RXRA: variants seen among roughly 807,000 people sequenced by gnomAD.
The protein encoded by RXRA is retinoid X receptor alpha.
RXRA carries 5 observed loss-of-function variants against 44.5 expected under a neutral mutation model. The observed-to-expected ratio is 0.11, with a 90% CI of 0.06 to 0.24. The LOEUF is 0.24. RXRA is among the 10% of genes least tolerant of loss of function. The pLI is 1.00. For missense variants in RXRA, 412 were observed against 646.5 expected, an observed-to-expected ratio of 0.64 and a Z score of 3.93; for synonymous variants, 291 against 271.4, an observed-to-expected ratio of 1.07 and a Z score of -0.71.
At chr9:134,348,552 G>C (rs763554732) in intron 1 of RXRA, among the ~76,000 whole-genome samples, 82 of 152,312 alleles carry the variant, frequency 5.4e-4, no homozygotes, top group Non-Finnish European at 1.0e-3. Flanking sequence ...ATCTGATCCC[G>C]GGGGACGCAG....
chr9:134,332,483 C>T (rs1194420043), intron 1 of RXRA, among the ~76,000 whole-genome samples: 5 of 151,604 alleles, frequency 3.3e-5, no homozygotes, highest in Admixed American at 1.3e-4. Context: ...GCTTAGGGAG[C>T]GCCCGCTGGG....
At chr9:134,423,982 T>A in intron 6 of RXRA, 1 of 982,438 alleles carries the variant, frequency 1.0e-6, no homozygotes. Context: ...GAGGTCCGAG[T>A]CGGGTTGGAT....
At chr9:134,380,292 C>T (rs1003997222) in intron 1 of RXRA, 9 of 715,796 alleles carry the variant, frequency 1.3e-5, no homozygotes, top group Non-Finnish European at 1.5e-5. Context: ...TGAGGCTGGC[C>T]TGCCCGTGGC....
chr9:134,372,640 G>A (rs1356229790), intron 1 of RXRA, among the ~76,000 whole-genome samples: 1 of 152,190 alleles, frequency 6.6e-6, no homozygotes, highest in Admixed American at 6.5e-5. Context: ...CAGAGGATCA[G>A]AGAGGCCCAC....
intron 1 of RXRA, among the ~76,000 whole-genome samples, chr9:134,362,167 T>A (rs957153895): frequency 2.0e-5 from 3 of 151,912 alleles, no homozygotes; most frequent in Non-Finnish European, 2.9e-5. Context: ...CTCAGAGGAG[T>A]GAGCGGCACT....
In RXRA at chr9:134,342,943, C is replaced by T. The variant is rs1485209094; in HGVS notation, c.28+16284C>T. ...GGCACGTGTGGGTGCTGGGGATTGT[C>T]TGGTAATCCTTTGATTAGAGGCCAG... is the stretch of plus-strand genomic sequence containing the variant. On this transcript the variant is annotated intron_variant, in intron 1 of 9. Transcript: ENST00000481739. This position sits in a 1 kb window ranked among gnomAD's most constrained non-coding sequence, Gnocchi z 4.4. Among the ~76,000 whole-genome samples, 2 of 152,136 alleles carry T rather than the reference C, an allele frequency of 1.3e-5. No individual in the cohort carries two copies. Among genetic ancestry groups the T allele is most frequent in the Non-Finnish European group, 2.9e-5 (2 of 68,028 alleles).
Position 134,407,923 on chromosome 9 carries a change from C to T in RXRA, c.280-226C>T, listed in dbSNP as rs1453436970. On this transcript the variant is annotated intron_variant, in intron 2 of 9. Transcript: ENST00000481739. This position sits in a 1 kb window ranked among gnomAD's most constrained non-coding sequence, Gnocchi z 4.8. Reference sequence around the variant, plus strand: ...TTCCACAGAGGCCTGGGGTCTGCTGCGGGCGAGTCCTGAGGTTGCCACAGC... The same window carrying T: ...TTCCACAGAGGCCTGGGGTCTGCTGTGGGCGAGTCCTGAGGTTGCCACAGC... Among the ~76,000 whole-genome samples, 2 of 151,916 alleles carry T rather than the reference C, an allele frequency of 1.3e-5. No individual in the cohort carries two copies. The highest frequency in any genetic ancestry group is 4.8e-5 in the African/African-American group (2 of 41,370).
At chr9:134,359,598 G>A (rs1316768755) in intron 1 of RXRA, among the ~76,000 whole-genome samples, 2 of 152,152 alleles carry the variant, frequency 1.3e-5, no homozygotes, top group African/African-American at 4.8e-5. Flanking sequence ...CTTGACCTCC[G>A]GGGAGGGGTG....
chr9:134,425,626 G>T, intron 6 of RXRA: 1 of 977,528 alleles, frequency 1.0e-6, no homozygotes, highest in Non-Finnish European at 1.2e-6. Context: ...GGAGGGAGGG[G>T]CCAGGCTTAG....
intron 1 of RXRA, among the ~76,000 whole-genome samples, chr9:134,333,469 G>T (rs1386434295): frequency 6.6e-6 from 1 of 152,116 alleles, no homozygotes; most frequent in Non-Finnish European, 1.5e-5. Context: ...GGGTGTCGGC[G>T]CAGACTGCTG....
chr9:134,394,522 A>T (rs1293370334), intron 1 of RXRA, among the ~76,000 whole-genome samples: 2 of 152,002 alleles, frequency 1.3e-5, no homozygotes, highest in Non-Finnish European at 2.9e-5. Flanking sequence ...ACTCTTCCTC[A>T]TTCTCATGCC....
chr9:134,414,913 C>G (rs563112153), intron 4 of RXRA, among the ~76,000 whole-genome samples: 43 of 152,290 alleles, frequency 2.8e-4, no homozygotes, highest in African/African-American at 9.6e-4. Context: ...GACCCCGCCC[C>G]GGATGAGCAC....
chr9:134,356,564 G>C (rs1830286089), intron 1 of RXRA, among the ~76,000 whole-genome samples: 1 of 152,232 alleles, frequency 6.6e-6, no homozygotes, highest in Non-Finnish European at 1.5e-5. Flanking sequence ...AAGGTCCGTG[G>C]CTGGAGAAGG....
intron 1 of RXRA, among the ~76,000 whole-genome samples, chr9:134,399,220 C>T (rs1830923774): frequency 6.6e-6 from 1 of 152,346 alleles, no homozygotes; most frequent in African/African-American, 2.4e-5. Context: ...TGTGGCATTC[C>T]CAGGGTCCCC....
Position 134,350,873 on chromosome 9 carries a change from C to T in RXRA, c.28+24214C>T, listed in dbSNP as rs144989435. Among the ~76,000 whole-genome samples the T allele has an allele frequency of 1.1e-3, 162 of 152,336 alleles. 1 individual carries two copies. Among genetic ancestry groups the T allele is most frequent in the African/African-American group, 3.6e-3 (148 of 41,578 alleles). On this transcript the variant is annotated intron_variant, in intron 1 of 9. Coordinates refer to ENST00000481739, the MANE Select transcript of RXRA (RefSeq NM_002957.6). ...CTGGCCTGGATGGTGCCTCCCCTGC[C>T]GCCTTGTCCTCATCTGTACCCAGGG...
In RXRA at chr9:134,407,440, G is replaced by C. The variant is rs1831070604; in HGVS notation, c.280-709G>C. ...GACTGCAGAGCTGGGTGGAGGCAGC[G>C]GAACCAAAACTGCTGTGTCACTGCA... is the stretch of plus-strand genomic sequence containing the variant. On this transcript the variant is annotated intron_variant, in intron 2 of 9. Coordinates refer to ENST00000481739, the MANE Select transcript of RXRA (RefSeq NM_002957.6). This position sits in a 1 kb window ranked among gnomAD's most constrained non-coding sequence, Gnocchi z 4.8. 6.6e-6 allele frequency among the ~76,000 whole-genome samples: 1 copy of C among 152,208 alleles called. No individual in the cohort carries two copies. The highest frequency in any genetic ancestry group is 6.5e-5 in the Admixed American group (1 of 15,290).
intron 1 of RXRA, among the ~76,000 whole-genome samples, chr9:134,372,705 G>A (rs1478777573): frequency 1.3e-5 from 2 of 152,208 alleles, no homozygotes; most frequent in Non-Finnish European, 2.9e-5. Flanking sequence ...GTGCTGGACT[G>A]TGAGACCCTG....
chr9:134,390,090 G>A lies in RXRA; in HGVS notation c.29-11542G>A, dbSNP rs182213026. Among the ~76,000 whole-genome samples the A allele has an allele frequency of 2.9e-3, 446 of 152,274 alleles. 4 individuals are homozygous for A. Among genetic ancestry groups the A allele is most frequent in the African/African-American group, 0.01 (425 of 41,548 alleles). ...GTGGCCGTCCTGGGGGCAGCAGGCC[G>A]GAGCCTGCGCTTGCCTGCATTCCCC... On this transcript the variant is annotated intron_variant, in intron 1 of 9. Coordinates refer to ENST00000481739, the MANE Select transcript of RXRA (RefSeq NM_002957.6).
At chr9:134,408,081 A>C in intron 2 of RXRA, 68 bp from the exon 3 acceptor site, 2 of 1,235,142 alleles carry the variant, frequency 1.6e-6, no homozygotes, top group Non-Finnish European at 2.2e-6. Flanking sequence ...TCCTTGCTGC[A>C]GGGCCGTGGG....
Sources: allele counts gnomAD v4.1 joint callset (sites outside exome capture counted in the v4.1 genomes callset), GRCh38; gene constraint gnomAD v4.1.1; non-coding constraint Gnocchi (gnomAD v3.1); transcripts MANE v1.5; gene names NCBI Gene and HGNC (gene_info 2026-07-23, HGNC 2026-07-21).